Variants in EXD3 observed in about 807,000 individuals in gnomAD.
EXD3 encodes the protein exonuclease mut-7 homolog.
EXD3 carries 92 observed loss-of-function variants against 98.0 expected under a neutral mutation model. The observed-to-expected ratio is 0.94, with a 90% confidence interval of 0.79 to 1.12. The LOEUF (loss-of-function observed/expected upper bound fraction) is 1.12. Among genes scored for constraint, EXD3 ranks in the 50% most tolerant of loss-of-function variants. EXD3 has a pLI of 0.00. For synonymous variants in EXD3, 569 were observed against 526.0 expected, an observed-to-expected ratio of 1.08 and a Z score of -1.12; for missense variants, 1,222 against 1,191.6, an observed-to-expected ratio of 1.03 and a Z score of -0.38.
At chr9:137,335,847 A>G (rs1833328234) in intron 17 of EXD3, among the ~76,000 whole-genome samples, 2 of 152,198 alleles carry the variant, frequency 1.3e-5, no homozygotes, top group African/African-American at 4.8e-5. Context: ...GCACATGTTT[A>G]TCACAGCACA....
At chr9:137,421,663 C>T (rs996045825) in intron 1 of EXD3, among the ~76,000 whole-genome samples, 1 of 152,106 alleles carries the variant, frequency 6.6e-6, no homozygotes, top group Non-Finnish European at 1.5e-5. Flanking sequence ...GTGTCAAGAC[C>T]TAGTCTCTAC....
chr9:137,380,048 C>A (rs1306976303), intron 3 of EXD3, among the ~76,000 whole-genome samples: 2 of 151,996 alleles, frequency 1.3e-5, no homozygotes, highest in African/African-American at 4.8e-5. Flanking sequence ...CTTCCAGCTC[C>A]TGTCCTTATC....
At chr9:137,398,543 C>T (rs141719316) in intron 1 of EXD3, among the ~76,000 whole-genome samples, 4,542 of 147,848 alleles carry the variant, frequency 0.031, 187 homozygotes, top group African/African-American at 0.1. Context: ...CAGGCAACCG[C>T]GTCCCCAAGA....
At chr9:137,379,803 A>G (rs11516132) in intron 3 of EXD3, among the ~76,000 whole-genome samples, 15,535 of 151,890 alleles carry the variant, frequency 0.1, 792 homozygotes, top group African/African-American at 0.12. Flanking sequence ...ACCCGTTCTA[A>G]CCACAGCCCG....
At chr9:137,321,540 GC>G (rs1461368552) in intron 19 of EXD3, among the ~76,000 whole-genome samples, 1 of 152,152 alleles carries the variant, frequency 6.6e-6, no homozygotes, top group African/African-American at 2.4e-5. Context: ...AAAATTAGCC[GC>G]CCGTGGTGGT....
intron 1 of EXD3, among the ~76,000 whole-genome samples, chr9:137,414,017 C>T (rs948614678): frequency 6.7e-6 from 1 of 148,974 alleles, no homozygotes; most frequent in Non-Finnish European, 1.5e-5. Flanking sequence ...CCCGGGTTTA[C>T]GCCATTCTCC....
At chr9:137,412,260 T>C (rs1289916002) in intron 1 of EXD3, among the ~76,000 whole-genome samples, 1 of 152,216 alleles carries the variant, frequency 6.6e-6, no homozygotes, top group Non-Finnish European at 1.5e-5. Context: ...CCACCTCATA[T>C]TGTCTGACAC....
At position 137,347,623 on chromosome 9, in the gene EXD3, T is replaced by C. The variant is rs1294128017; in HGVS notation, c.1998+448A>G. 6.6e-6 allele frequency among the ~76,000 whole-genome samples: 1 copy of C among 152,006 alleles called. No homozygotes were observed. The highest frequency in any genetic ancestry group is 1.5e-5 in the Non-Finnish European group (1 of 68,002). ...TACGCCTGGCTAATTTTTCTATTTT[T>C]GGTACAGACGGGGTTTCACCATATT... On this transcript the variant is annotated intron_variant, in intron 17 of 21. Coordinates refer to ENST00000340951, the MANE Select transcript of EXD3 (RefSeq NM_017820.5). This position sits in a 1 kb window ranked among gnomAD's most constrained non-coding sequence, Gnocchi z 4.2.
chr9:137,330,200 GGA>G (rs1832950565), intron 17 of EXD3, among the ~76,000 whole-genome samples: 1 of 142,128 alleles, frequency 7.0e-6, no homozygotes, highest in Non-Finnish European at 1.5e-5. Flanking sequence ...GGACTACACA[GGA>G]CTACACAGGA....
At chr9:137,321,851 C>T (rs955932006) in intron 19 of EXD3, among the ~76,000 whole-genome samples, 5 of 152,298 alleles carry the variant, frequency 3.3e-5, no homozygotes, top group East Asian at 3.9e-4. Flanking sequence ...CCCTTGCTCC[C>T]GTGTCGCCCA....
At chr9:137,309,726 C>T (rs1439419346) in intron 19 of EXD3, 26 bp from the exon 20 acceptor site, 8 of 1,537,414 alleles carry the variant, frequency 5.2e-6, no homozygotes, top group Non-Finnish European at 7.0e-6. Context: ...GGTGCTGAGG[C>T]CCAGGCGGGG....
intron 8 of EXD3, among the ~76,000 whole-genome samples, chr9:137,355,732 G>GAAAGGA (rs1397701660): frequency 1.7e-5 from 2 of 120,524 alleles, no homozygotes; most frequent in Admixed American, 8.6e-5. Context: ...GGAGGAAGGA[G>GAAAGGA]GACCTAGAAA....
At chr9:137,399,125 GT>G (rs1837367946) in intron 1 of EXD3, among the ~76,000 whole-genome samples, 1 of 152,258 alleles carries the variant, frequency 6.6e-6, no homozygotes, top group South Asian at 2.1e-4. Flanking sequence ...CTGGCTGTGC[GT>G]GGCTGTGGGG....
chr9:137,317,857 G>A (rs1831774682), intron 19 of EXD3, among the ~76,000 whole-genome samples: 1 of 152,184 alleles, frequency 6.6e-6, no homozygotes, highest in South Asian at 2.1e-4. Context: ...CCAGAGCTCT[G>A]GGGCTGGGCC....
chr9:137,367,130 A>G (rs564386645), intron 6 of EXD3, among the ~76,000 whole-genome samples: 273 of 152,286 alleles, frequency 1.8e-3, no homozygotes, highest in African/African-American at 6.2e-3. Context: ...CGCCCCTCGA[A>G]GAAGACTCCT....
At chr9:137,362,237 C>G (rs1056188813) in intron 7 of EXD3, among the ~76,000 whole-genome samples, 7 of 152,120 alleles carry the variant, frequency 4.6e-5, no homozygotes, top group African/African-American at 2.4e-5. Flanking sequence ...CAAGATCCCT[C>G]ATGGACATGG....
At position 137,395,486 on chromosome 9, in the gene EXD3, G is replaced by A. The variant is rs1032296738; in HGVS notation, c.-47-82C>T. On this transcript the variant is annotated intron_variant, in intron 1 of 21. Coordinates refer to ENST00000340951, the MANE Select transcript of EXD3 (RefSeq NM_017820.5). This position sits in a 1 kb window ranked among gnomAD's most constrained non-coding sequence, Gnocchi z 6.5. ...GAGCCCACGCCCACAGCCCCTGGAG[G>A]TGGTGGAGGGAGCTGGTGCCTGGGG... 53 of 1,369,532 alleles carry A rather than the reference G, an allele frequency of 3.9e-5. 1 individual carries two copies. The South Asian group carries it at 6.5e-4, about 17-fold the overall frequency. The allele number at this position is 1,369,532 out of a possible 1,614,324, so 84.8% of individuals were successfully genotyped here. A position where few individuals can be genotyped will look rare whatever the true frequency, so the allele number is the denominator to read the frequency against.
intron 19 of EXD3, among the ~76,000 whole-genome samples, chr9:137,319,357 C>T (rs533566387): frequency 2.0e-5 from 3 of 152,330 alleles, no homozygotes; most frequent in South Asian, 4.1e-4. Context: ...TTGTTTTGCC[C>T]GTGCCTACCT....
intron 2 of EXD3, chr9:137,391,724 A>C (rs551846446): frequency 1.3e-5 from 2 of 152,328 alleles, no homozygotes; most frequent in African/African-American, 2.4e-5. Context: ...TTTCCCAAGG[A>C]AGGCTCAAGC....
Sources: gnomAD v4.1 joint callset for allele counts (sites outside exome capture counted in the v4.1 genomes callset) on GRCh38, gnomAD v4.1.1 for gene constraint, Gnocchi (gnomAD v3.1) non-coding constraint, MANE v1.5 for transcripts, NCBI Gene and HGNC (gene_info 2026-07-23, HGNC 2026-07-21) for gene names.